Variants in PLXDC2 observed in about 807,000 individuals in gnomAD.
PLXDC2 encodes plexin domain containing 2.
Under a neutral mutation model 68.9 loss-of-function variants are expected in PLXDC2, and 40 were observed. That is an observed-to-expected ratio of 0.58 (90% CI 0.45 to 0.76). The LOEUF is 0.76. Among genes scored for constraint, PLXDC2 ranks in the 30% least tolerant of loss-of-function variants. PLXDC2 has a pLI of 0.00. For synonymous variants in PLXDC2, 243 were observed against 234.2 expected (o/e 1.04, Z -0.34); for missense variants, 644 against 661.9 (o/e 0.97, Z 0.30).
chr10:20,081,220 A>G (rs1836551102), intron 4 of PLXDC2, among the ~76,000 whole-genome samples: 1 of 152,182 alleles, frequency 6.6e-6, no homozygotes, highest in Non-Finnish European at 1.5e-5. Context: ...GGAGAAATAA[A>G]AATTCATAGT....
At chr10:20,172,703 C>T (rs748579606) in intron 7 of PLXDC2, among the ~76,000 whole-genome samples, 4 of 152,028 alleles carry the variant, frequency 2.6e-5, no homozygotes, top group African/African-American at 4.8e-5. Flanking sequence ...GGAAAGTATA[C>T]GTGAGAGAAA....
intron 1 of PLXDC2, among the ~76,000 whole-genome samples, chr10:19,958,723 T>G (rs1421780884): frequency 1.3e-5 from 2 of 152,200 alleles, no homozygotes; most frequent in Non-Finnish European, 2.9e-5. Context: ...TTGTTTAAAT[T>G]TTATCTTAAA....
chr10:20,230,735 A>T (rs1215101160), intron 12 of PLXDC2, among the ~76,000 whole-genome samples: 3 of 143,996 alleles, frequency 2.1e-5, no homozygotes, highest in African/African-American at 2.5e-5. Flanking sequence ...GTGTCATTTC[A>T]TTAGGAACCA....
At chr10:19,989,994 C>T (rs772830634) in intron 1 of PLXDC2, among the ~76,000 whole-genome samples, 25 of 151,964 alleles carry the variant, frequency 1.6e-4, no homozygotes, top group Non-Finnish European at 3.1e-4. Context: ...CTGATCCGCC[C>T]GACTCAGTCT....
chr10:20,160,227 A>G (rs962370545), intron 6 of PLXDC2, among the ~76,000 whole-genome samples: 1 of 152,098 alleles, frequency 6.6e-6, no homozygotes. Context: ...TTAGGAATCT[A>G]TTTTCTACTG....
chr10:20,237,637 A>T (rs1835451577), intron 12 of PLXDC2, among the ~76,000 whole-genome samples: 1 of 152,192 alleles, frequency 6.6e-6, no homozygotes, highest in Non-Finnish European at 1.5e-5. Context: ...CCATGGGGGA[A>T]TTCATGTCTG....
At chr10:20,135,305 A>C (rs1266961514) in intron 4 of PLXDC2, among the ~76,000 whole-genome samples, 1 of 152,186 alleles carries the variant, frequency 6.6e-6, no homozygotes, top group Admixed American at 6.5e-5. Context: ...ATAAAACTGC[A>C]AGGGTTGGCA....
Position 20,076,731 on chromosome 10 carries a change from G to A in PLXDC2, c.541+8492G>A, listed in dbSNP as rs151083536. 3.4e-4 allele frequency among the ~76,000 whole-genome samples: 52 copies of A among 152,206 alleles called. 1 individual carries two copies. The highest frequency in any genetic ancestry group is 1.2e-3 in the African/African-American group (51 of 41,522). On this transcript the variant is annotated intron_variant, in intron 4 of 13. Coordinates refer to ENST00000377252, the MANE Select transcript of PLXDC2 (RefSeq NM_032812.9). Reference sequence around the variant, plus strand: ...ACCTAATCCATTGTCATCTCTAACTGCTCCTATTAAAGGCTGGCTCAACCA... The same window carrying A: ...ACCTAATCCATTGTCATCTCTAACTACTCCTATTAAAGGCTGGCTCAACCA...
At chr10:20,114,312 C>T (rs1589635510) in intron 4 of PLXDC2, among the ~76,000 whole-genome samples, 1 of 152,158 alleles carries the variant, frequency 6.6e-6, no homozygotes, top group South Asian at 2.1e-4. Context: ...CTGTGAAGTC[C>T]GGAGAAGGCT....
intron 1 of PLXDC2, among the ~76,000 whole-genome samples, chr10:19,937,557 TA>T (rs1833745565): frequency 1.2e-5 from 1 of 81,276 alleles, no homozygotes; most frequent in African/African-American, 5.0e-5. Flanking sequence ...TATATATATA[TA>T]TATATATATA....
chr10:20,068,142 T>A, intron 3 of PLXDC2, 28 bp from the exon 4 acceptor site: 1 of 1,584,530 alleles, frequency 6.3e-7, no homozygotes, highest in South Asian at 1.1e-5. Flanking sequence ...ACATTATTGA[T>A]TTTTTTCTCT....
chr10:20,194,090 A>G (rs1011306899), intron 9 of PLXDC2, among the ~76,000 whole-genome samples: 1 of 152,026 alleles, frequency 6.6e-6, no homozygotes, highest in Non-Finnish European at 1.5e-5. Flanking sequence ...ATTTTAAAAG[A>G]AAACAAAGCT....
At chr10:20,010,608 T>G (rs550382571) in intron 2 of PLXDC2, among the ~76,000 whole-genome samples, 1 of 152,334 alleles carries the variant, frequency 6.6e-6, no homozygotes, top group African/African-American at 2.4e-5. Context: ...GTTAGCTAAT[T>G]GAGTTTACTT....
Position 20,165,494 on chromosome 10 carries a change from G to A in PLXDC2, c.883+927G>A, listed in dbSNP as rs543262720. ...CTTCCTGTGTCCATGTGATCTCATT[G>A]TTCAATTCCCACCTATGAGTGAGAA... On this transcript the variant is annotated intron_variant, in intron 7 of 13. Transcript: ENST00000377252. Among the ~76,000 whole-genome samples the A allele has an allele frequency of 2.9e-4, 43 of 148,976 alleles. 1 individual carries two copies. The highest frequency in any genetic ancestry group is 2.8e-3 in the Admixed American group (42 of 14,772).
At chr10:19,979,490 T>C (rs1245039451) in intron 1 of PLXDC2, among the ~76,000 whole-genome samples, 1 of 151,906 alleles carries the variant, frequency 6.6e-6, no homozygotes, top group Non-Finnish European at 1.5e-5. Context: ...GTGGTTCTCC[T>C]GCCTCACCCT....
intron 9 of PLXDC2, among the ~76,000 whole-genome samples, chr10:20,204,021 A>G (rs1054890930): frequency 4.3e-5 from 5 of 115,122 alleles, no homozygotes; most frequent in Admixed American, 3.3e-4. Flanking sequence ...GTAATAGGTT[A>G]TGAATAGTCA....
At chr10:19,991,521 A>T (rs1273082290) in intron 1 of PLXDC2, among the ~76,000 whole-genome samples, 3 of 152,154 alleles carry the variant, frequency 2.0e-5, no homozygotes, top group Non-Finnish European at 4.4e-5. Flanking sequence ...GGGTAAGTTG[A>T]TGATAATGGG....
chr10:19,937,544 G>GTATATATATATA lies in PLXDC2; in HGVS notation c.113-64203_113-64192dup, dbSNP rs71388881. On this transcript the variant is annotated intron_variant, in intron 1 of 13. Transcript: ENST00000377252. ...GAATACATATCACATTATAGTCAAT[G>GTATATATATATA]TATATATATATATATATATATATAT... 6.8e-3 allele frequency among the ~76,000 whole-genome samples: 652 copies of GTATATATATATA among 95,858 alleles called. 22 individuals carry two copies. Among genetic ancestry groups the GTATATATATATA allele is most frequent in the African/African-American group, 0.011 (276 of 24,298 alleles). 62.9% of individuals were successfully genotyped at this position (95,858 alleles called of 152,430 possible).
rs1022067991 is a variant in PLXDC2 at position 20,177,149 on chromosome 10, G to C, written c.979+55G>C. 5.2e-5 allele frequency: 74 copies of C among 1,433,516 alleles called. No individual in the cohort carries two copies. In the African/African-American group the frequency reaches 9.7e-4, roughly 19 times the overall value. The allele number at this position is 1,433,516 out of a possible 1,614,324, so 88.8% of individuals were successfully genotyped here. A position where few individuals can be genotyped will look rare whatever the true frequency, so the allele number is the denominator to read the frequency against. ...ACATGATTTCTAAATTTGATGATCTGATCTGTTCAATAGTTATAATAATCA... is the reference window on the plus strand; with the variant it reads ...ACATGATTTCTAAATTTGATGATCTCATCTGTTCAATAGTTATAATAATCA... On this transcript the variant is annotated intron_variant, in intron 8 of 13. Transcript: ENST00000377252.
Sources: gnomAD v4.1 joint callset for allele counts (sites outside exome capture counted in the v4.1 genomes callset) on GRCh38, gnomAD v4.1.1 for gene constraint, MANE v1.5 for transcripts, NCBI Gene and HGNC (gene_info 2026-07-23, HGNC 2026-07-21) for gene names.